Variants in PLPP3 observed in about 807,000 individuals in gnomAD.
The protein encoded by PLPP3 is phospholipid phosphatase 3.
In PLPP3, 6 loss-of-function variants were observed where a neutral mutation model predicts 29.6. That is an observed-to-expected ratio of 0.20 (90% CI 0.11 to 0.40). PLPP3 has a LOEUF of 0.40. PLPP3 is among the 10% of genes least tolerant of loss of function. PLPP3 has a pLI of 1.00. For missense variants in PLPP3, 308 were observed against 407.7 expected, an observed-to-expected ratio of 0.76 and a Z score of 2.11; for synonymous variants, 152 against 159.7, an observed-to-expected ratio of 0.95 and a Z score of 0.36.
intron 1 of PLPP3, among the ~76,000 whole-genome samples, chr1:56,557,118 GC>G (rs1411989995): frequency 1.1e-4 from 16 of 150,690 alleles, no homozygotes; most frequent in African/African-American, 3.7e-4. Context: ...GGTGGCTCAT[GC>G]CTGTAATCCC....
Position 56,512,113 on chromosome 1 carries a change from G to C in PLPP3, c.673C>G (p.Leu225Val), listed in dbSNP as rs1189328803. The change falls in exon 5 of 6, where the codon CTG (leucine) becomes GTG (valine). Residue 225 changes from leucine (L) to valine (V), a missense_variant. Leu to Val is a conservative substitution (Grantham distance 32). This residue lies in a region of PLPP3 where 232 missense variants were observed against 317.2 expected (regional missense o/e 0.73). Transcript: ENST00000371250. Reference sequence around the variant, plus strand: ...GTGAACTGCAGGAGGGGCCGGAGCAGGCGGGCTCCTCGCCAAGTGAAGCGG... The same window carrying C: ...GTGAACTGCAGGAGGGGCCGGAGCACGCGGGCTCCTCGCCAAGTGAAGCGG... ...QARFTWRGAR[L>V]LRPLLQFTLI... The C allele has an allele frequency of 3.7e-6, 6 of 1,609,508 alleles. No homozygotes were observed. The highest frequency in any genetic ancestry group is 5.1e-6 in the Non-Finnish European group (6 of 1,178,574).
intron 1 of PLPP3, among the ~76,000 whole-genome samples, chr1:56,546,234 A>G (rs187377831): frequency 3.3e-5 from 5 of 152,204 alleles, no homozygotes; most frequent in African/African-American, 9.6e-5. Flanking sequence ...ACTCCCCACT[A>G]TCTCCCTGAC....
chr1:56,556,307 T>C (rs998868237), intron 1 of PLPP3, among the ~76,000 whole-genome samples: 4 of 152,142 alleles, frequency 2.6e-5, no homozygotes, highest in Admixed American at 6.5e-5. Flanking sequence ...CAGAGATATA[T>C]AGAGAGGTGA....
chr1:56,556,998 G>GAAGGAAAGAAAGA, intron 1 of PLPP3, among the ~76,000 whole-genome samples: 1 of 7,444 alleles, frequency 1.3e-4, no homozygotes, highest in Non-Finnish European at 4.1e-4. Flanking sequence ...AAGAAAGAAA[G>GAAGGAAAGAAAGA]AAAGAAAGAA....
chr1:56,555,398 A>G lies in PLPP3; in HGVS notation c.140-18286T>C, dbSNP rs1212998075. 1.4e-4 allele frequency among the ~76,000 whole-genome samples: 20 copies of G among 146,924 alleles called. No individual in the cohort carries two copies. In the Admixed American group the frequency reaches 1.4e-3, roughly 10 times the overall value. ...TTGGGGTGTGTGTGTGCAATTTGCC[A>G]TAATCACTTATGCAGGAGAAGGAAG... On this transcript the variant is annotated intron_variant, in intron 1 of 5. Coordinates refer to ENST00000371250, the MANE Select transcript of PLPP3 (RefSeq NM_003713.5).
intron 1 of PLPP3, among the ~76,000 whole-genome samples, chr1:56,538,269 T>C (rs573992387): frequency 1.3e-5 from 2 of 152,302 alleles, no homozygotes; most frequent in East Asian, 3.9e-4. Flanking sequence ...GACTGTGGAT[T>C]CATGCTATTC....
intron 1 of PLPP3, among the ~76,000 whole-genome samples, chr1:56,559,737 C>A (rs1433367878): frequency 6.6e-6 from 1 of 152,078 alleles, no homozygotes; most frequent in Non-Finnish European, 1.5e-5. Context: ...TGAACCTGCA[C>A]AAGGTAAGAG....
intron 5 of PLPP3, among the ~76,000 whole-genome samples, chr1:56,498,441 G>C (rs995781616): frequency 2.3e-4 from 35 of 151,972 alleles, no homozygotes; most frequent in Admixed American, 7.2e-4. Context: ...TCCGCCCCAG[G>C]CCCAGCCCCA....
At chr1:56,530,944 T>C (rs754392164) in intron 2 of PLPP3, among the ~76,000 whole-genome samples, 8 of 152,166 alleles carry the variant, frequency 5.3e-5, no homozygotes, top group Non-Finnish European at 1.2e-4. Flanking sequence ...AAAATCCTAC[T>C]TATGCCTTAA....
chr1:56,577,124 G>A (rs1646242127), intron 1 of PLPP3, among the ~76,000 whole-genome samples: 1 of 152,164 alleles, frequency 6.6e-6, no homozygotes, highest in Non-Finnish European at 1.5e-5. Flanking sequence ...AAAACACACT[G>A]AGTAAACACA....
intron 4 of PLPP3, 35 bp downstream of exon 4, chr1:56,523,788 C>A (rs1301180483): frequency 6.3e-7 from 1 of 1,590,160 alleles, no homozygotes; most frequent in African/African-American, 1.3e-5. Flanking sequence ...GAAGCTGGAA[C>A]TGAGCACTGC....
chr1:56,571,033 T>C (rs1253531074), intron 1 of PLPP3, among the ~76,000 whole-genome samples: 2 of 152,224 alleles, frequency 1.3e-5, no homozygotes, highest in African/African-American at 4.8e-5. Flanking sequence ...CTTTTTCTAC[T>C]GACGCACGCA....
At chr1:56,573,342 A>G (rs544154110) in intron 1 of PLPP3, among the ~76,000 whole-genome samples, 84 of 152,336 alleles carry the variant, frequency 5.5e-4, no homozygotes, top group Non-Finnish European at 1.1e-3. Context: ...GAATTCTTGC[A>G]AACTTGATTA....
chr1:56,514,831 T>C (rs1278222984), intron 4 of PLPP3, among the ~76,000 whole-genome samples: 3 of 152,302 alleles, frequency 2.0e-5, no homozygotes, highest in South Asian at 4.1e-4. Flanking sequence ...ACTGGGTCAC[T>C]ATAGGCAATA....
chr1:56,544,781 G>A (rs779624345), intron 1 of PLPP3, among the ~76,000 whole-genome samples: 136 of 152,242 alleles, frequency 8.9e-4, no homozygotes, highest in Non-Finnish European at 1.7e-3. Flanking sequence ...AGTCAGCTAC[G>A]AAACTCTTGA....
chr1:56,527,682 C>A (rs1777278), intron 2 of PLPP3, among the ~76,000 whole-genome samples: 1 of 152,166 alleles, frequency 6.6e-6, no homozygotes, highest in East Asian at 1.9e-4. Context: ...TTTTCTCTAT[C>A]CCCTTGTACA....
chr1:56,559,858 C>G (rs1344906469), intron 1 of PLPP3, among the ~76,000 whole-genome samples: 4 of 152,080 alleles, frequency 2.6e-5, no homozygotes, highest in Non-Finnish European at 4.4e-5. Flanking sequence ...ATGCTTGTCC[C>G]CTTCATCTCC....
chr1:56,573,982 A>G (rs1222682895), intron 1 of PLPP3, among the ~76,000 whole-genome samples: 1 of 152,140 alleles, frequency 6.6e-6, no homozygotes, highest in Non-Finnish European at 1.5e-5. Flanking sequence ...CGGGCAGATC[A>G]CAAAGTCAGG....
chr1:56,497,887 T>C (rs886282598), intron 5 of PLPP3, among the ~76,000 whole-genome samples: 1 of 152,100 alleles, frequency 6.6e-6, no homozygotes, highest in African/African-American at 2.4e-5. Flanking sequence ...CAGCAAGAAA[T>C]TGGTGATGCT....
Sources: gnomAD v4.1 joint callset for allele counts (sites outside exome capture counted in the v4.1 genomes callset) on GRCh38, gnomAD v4.1.1 for gene constraint, gnomAD v4.1.1 regional missense constraint, MANE v1.5 for transcripts, NCBI Gene and HGNC (gene_info 2026-07-23, HGNC 2026-07-21) for gene names.